CYP2C19: variants seen among roughly 807,000 people sequenced by gnomAD.
CYP2C19 encodes the protein cytochrome P450 2C19.
CYP2C19 carries 59 observed loss-of-function variants against 40.9 expected under a neutral mutation model. That is an observed-to-expected ratio of 1.44 (90% CI 1.17 to 1.79). The LOEUF (loss-of-function observed/expected upper bound fraction) is 1.79, where lower values mean the gene tolerates loss of function less well. CYP2C19 is among the 40% of genes most tolerant of loss of function. CYP2C19 has a pLI of 0.00. For synonymous variants in CYP2C19, 253 were observed against 208.7 expected (o/e 1.21, Z -1.83); for missense variants, 754 against 596.9 (o/e 1.26, Z -2.74).
intron 6 of CYP2C19, among the ~76,000 whole-genome samples, chr10:94,838,986 A>T (rs1849448320): frequency 6.6e-6 from 1 of 152,132 alleles, no homozygotes; most frequent in Non-Finnish European, 1.5e-5. Flanking sequence ...CTAATTCTCC[A>T]GAATACATCT....
intron 5 of CYP2C19, among the ~76,000 whole-genome samples, chr10:94,803,651 G>A (rs567414745): frequency 5.9e-5 from 9 of 152,302 alleles, no homozygotes; most frequent in Admixed American, 4.6e-4. Context: ...AAGCCCCCAG[G>A]GTTGTGCTAG....
intron 5 of CYP2C19, among the ~76,000 whole-genome samples, chr10:94,817,720 G>A (rs578105839): frequency 4.6e-5 from 7 of 152,090 alleles, no homozygotes; most frequent in South Asian, 2.1e-4. Flanking sequence ...TAGGTCTAAC[G>A]TTTAAATCTT....
chr10:94,803,438 G>A (rs1284874552), intron 5 of CYP2C19, among the ~76,000 whole-genome samples: 1 of 152,184 alleles, frequency 6.6e-6, no homozygotes, highest in African/African-American at 2.4e-5. Context: ...AGTTTCTCTA[G>A]CACAGCTTGA....
intron 5 of CYP2C19, among the ~76,000 whole-genome samples, chr10:94,802,747 C>G (rs1464102112): frequency 6.6e-6 from 1 of 151,636 alleles, no homozygotes; most frequent in African/African-American, 2.4e-5. Flanking sequence ...ATATTTAGTG[C>G]TTCCTTCATG....
rs561286413 is a variant in CYP2C19, at chr10:94,824,357, ATAAG to A, written c.961+3725_961+3728del. The stretch of plus-strand genomic sequence containing the variant: ...ATTATTAAATATAATCTACAAAAAG[ATAAG>A]TAAGAAATAGAAACAAGGTCTTTAT... On this transcript the variant is annotated intron_variant, in intron 6 of 8. Coordinates refer to ENST00000371321, the MANE Select transcript of CYP2C19 (RefSeq NM_000769.4). 3.1e-3 allele frequency among the ~76,000 whole-genome samples: 474 copies of A among 152,318 alleles called. 3 individuals carry two copies. Among genetic ancestry groups the A allele is most frequent in the African/African-American group, 0.011 (449 of 41,556 alleles).
At chr10:94,813,701 G>T (rs1219093759) in intron 5 of CYP2C19, among the ~76,000 whole-genome samples, 20 of 151,232 alleles carry the variant, frequency 1.3e-4, no homozygotes, top group Non-Finnish European at 2.7e-4. Context: ...GTTCAAGCCA[G>T]TGGATCTTAG....
At chr10:94,764,654 AGGCCAGTGAAAG>A (rs1216129383) in intron 1 of CYP2C19, among the ~76,000 whole-genome samples, 2 of 152,116 alleles carry the variant, frequency 1.3e-5, no homozygotes, top group African/African-American at 4.8e-5. Flanking sequence ...GGAACTCTTT[AGGCCAGTGAAAG>A]GGCCAGTGGG....
At chr10:94,812,242 A>G (rs930722969) in intron 5 of CYP2C19, among the ~76,000 whole-genome samples, 2 of 152,142 alleles carry the variant, frequency 1.3e-5, no homozygotes, top group African/African-American at 4.8e-5. Flanking sequence ...CCAGAGAGAT[A>G]TGCTGTTAGT....
chr10:94,842,598 G>C (rs530538576), intron 6 of CYP2C19, among the ~76,000 whole-genome samples: 1 of 151,400 alleles, frequency 6.6e-6, no homozygotes, highest in African/African-American at 2.4e-5. Flanking sequence ...TTCCTTTATT[G>C]ATAATAATTT....
Position 94,775,342 on chromosome 10 carries a change from C to T in CYP2C19, c.332-48C>T, listed in dbSNP as rs112518862. On this transcript the variant is annotated intron_variant, in intron 2 of 8. Coordinates refer to ENST00000371321, the MANE Select transcript of CYP2C19 (RefSeq NM_000769.4). Reference sequence around the variant, plus strand: ...CATGGCTGCCCAGTGTCAGCTTCCTCTTTCTTGCCTGGGATCTCCCTCCTA... The same window carrying T: ...CATGGCTGCCCAGTGTCAGCTTCCTTTTTCTTGCCTGGGATCTCCCTCCTA... The T allele has an allele frequency of 1.4e-3, 2,259 of 1,612,640 alleles. 30 individuals carry two copies. In the African/African-American group the frequency reaches 0.028, roughly 20 times the overall value.
At chr10:94,836,452 G>C (rs545001513) in intron 6 of CYP2C19, among the ~76,000 whole-genome samples, 2 of 152,192 alleles carry the variant, frequency 1.3e-5, no homozygotes, top group Admixed American at 6.5e-5. Context: ...TTAACACTGA[G>C]TCTTGGGTTA....
chr10:94,806,488 C>G (rs987361965), intron 5 of CYP2C19, among the ~76,000 whole-genome samples: 1 of 151,894 alleles, frequency 6.6e-6, no homozygotes, highest in Non-Finnish European at 1.5e-5. Context: ...TTTTTCTTAA[C>G]AGCTGCACCA....
At chr10:94,830,234 G>T (rs572787959) in intron 6 of CYP2C19, among the ~76,000 whole-genome samples, 1 of 152,252 alleles carries the variant, frequency 6.6e-6, no homozygotes, top group Non-Finnish European at 1.5e-5. Context: ...ATGGGCAATG[G>T]CGGGCGCCCC....
intron 5 of CYP2C19, among the ~76,000 whole-genome samples, chr10:94,800,627 G>A (rs1245856012): frequency 1.3e-5 from 2 of 151,962 alleles, no homozygotes; most frequent in African/African-American, 4.8e-5. Context: ...GCCTTGCCCT[G>A]GATTCTATAG....
In CYP2C19 at chr10:94,803,449, T is replaced by C. The variant is rs557985541; in HGVS notation, c.820-17047T>C. ...CACAAGTTTCTCTAGCACAGCTTGA[T>C]CCTTGTTTTCTGGGGGATCTTCTTT... On this transcript the variant is annotated intron_variant, in intron 5 of 8. Transcript: ENST00000371321. 1.6e-4 allele frequency among the ~76,000 whole-genome samples: 24 copies of C among 152,318 alleles called. No individual in the cohort carries two copies. In the South Asian group the frequency reaches 5.0e-3, roughly 32 times the overall value.
Position 94,797,026 on chromosome 10 carries a change from G to T in CYP2C19, c.819+15029G>T, listed in dbSNP as rs1054576289. ...TGCCCCGGCGAGAACTTCCAACACT[G>T]CGTTGAATAGGAGTGGTGAGAGAGG... On this transcript the variant is annotated intron_variant, in intron 5 of 8. Transcript: ENST00000371321. Among the ~76,000 whole-genome samples the T allele has an allele frequency of 2.0e-5, 3 of 151,948 alleles. No homozygotes were observed. The South Asian group carries it at 6.2e-4, about 31-fold the overall frequency.
intron 6 of CYP2C19, among the ~76,000 whole-genome samples, chr10:94,823,309 A>G (rs1849158287): frequency 6.6e-6 from 1 of 152,174 alleles, no homozygotes; most frequent in Non-Finnish European, 1.5e-5. Flanking sequence ...CTTACTCTCT[A>G]GAGAAACTGA....
rs117087942 is a variant in CYP2C19, at chr10:94,765,045, T to A, written c.168+2172T>A. Among the ~76,000 whole-genome samples the A allele has an allele frequency of 2.5e-3, 387 of 152,204 alleles. 13 individuals carry two copies. In the East Asian group the frequency reaches 0.061, roughly 24 times the overall value. ...AGCAGTGAGGAGGTCTAGTCCTCAG[T>A]GGTTTTGGAGAGTCACTGTTGCCAA... On this transcript the variant is annotated intron_variant, in intron 1 of 8. Transcript: ENST00000371321.
intron 6 of CYP2C19, among the ~76,000 whole-genome samples, chr10:94,840,850 A>G (rs1395993245): frequency 6.6e-6 from 1 of 152,192 alleles, no homozygotes; most frequent in Non-Finnish European, 1.5e-5. Flanking sequence ...AGATAACCTT[A>G]CACCTGAGTC....
Sources: gnomAD v4.1 joint callset for allele counts (sites outside exome capture counted in the v4.1 genomes callset) on GRCh38, gnomAD v4.1.1 for gene constraint, MANE v1.5 for transcripts, NCBI Gene and HGNC (gene_info 2026-07-23, HGNC 2026-07-21) for gene names.